The following CHD9 variants were observed in gnomAD, a reference collection of about 807,000 sequenced individuals.
CHD9 encodes the protein chromodomain helicase DNA binding protein 9, also known as ATP-dependent chromatin remodeler CHD9.
In CHD9, 77 loss-of-function variants were observed where a neutral mutation model predicts 316.1. The ratio of observed to expected loss-of-function variants is 0.24; its 90% confidence interval spans 0.20 to 0.29. CHD9 has a LOEUF of 0.29. CHD9 is among the 10% of genes least tolerant of loss of function. The pLI, the probability that CHD9 is intolerant of heterozygous loss-of-function variation, is 1.00. For missense variants in CHD9, 2,763 were observed against 3,438.1 expected (o/e 0.80, Z 4.91); for synonymous variants, 1,129 against 1,158.3 (o/e 0.97, Z 0.51).
intron 1 of CHD9, among the ~76,000 whole-genome samples, chr16:53,106,461 A>T (rs1284591757): frequency 6.6e-6 from 1 of 152,208 alleles, no homozygotes; most frequent in Non-Finnish European, 1.5e-5. Context: ...TTCCCGAAGG[A>T]CAGCTGGAAG....
intron 20 of CHD9, among the ~76,000 whole-genome samples, chr16:53,265,083 T>G (rs756902230): frequency 6.6e-6 from 1 of 152,192 alleles, no homozygotes; most frequent in Non-Finnish European, 1.5e-5. Flanking sequence ...AGACTAACAT[T>G]ACTGTATGTT....
chr16:53,222,635 T>G lies in CHD9; in HGVS notation c.1785-9T>G. On this transcript the variant is annotated splice_polypyrimidine_tract_variant and intron_variant, in intron 3 of 38. Coordinates refer to ENST00000447540, the MANE Select transcript of CHD9 (RefSeq NM_001308319.2). ...ATTCATACTTTTTATTCTTTTCCTC[T>G]TGAAACAGCAAACTCATTATTACAT... The G allele has an allele frequency of 7.9e-7, 1 of 1,264,988 alleles. No individual in the cohort carries two copies. The highest frequency in any genetic ancestry group is 1.1e-6 in the Non-Finnish European group (1 of 890,490). The allele number at this position is 1,264,988 out of a possible 1,614,324, so 78.4% of individuals were successfully genotyped here. A position where few individuals can be genotyped will look rare whatever the true frequency, so the allele number is the denominator to read the frequency against.
At chr16:53,202,691 G>A (rs996470473) in intron 2 of CHD9, among the ~76,000 whole-genome samples, 1 of 151,950 alleles carries the variant, frequency 6.6e-6, no homozygotes, top group African/African-American at 2.4e-5. Flanking sequence ...TGTTTGCCTG[G>A]ACTTTTATGT....
intron 2 of CHD9, among the ~76,000 whole-genome samples, chr16:53,161,415 G>T (rs1437024329): frequency 2.0e-5 from 3 of 152,104 alleles, no homozygotes; most frequent in Non-Finnish European, 4.4e-5. Context: ...TATTAATAAG[G>T]AGTTCTTATA....
chr16:53,200,883 G>A (rs1004819702), intron 2 of CHD9, among the ~76,000 whole-genome samples: 15 of 152,214 alleles, frequency 9.9e-5, no homozygotes, highest in African/African-American at 3.6e-4. Flanking sequence ...GAAGAGCACA[G>A]TATCACATCA....
intron 1 of CHD9, among the ~76,000 whole-genome samples, chr16:53,125,696 C>G (rs183083338): frequency 6.6e-6 from 1 of 152,332 alleles, no homozygotes; most frequent in Non-Finnish European, 1.5e-5. Flanking sequence ...ATCACAAAGA[C>G]AAACAACCCA....
At position 53,325,019 on chromosome 16, in the gene CHD9, G is replaced by C; in HGVS notation, c.*124G>C. 1.2e-6 allele frequency: 1 copy of C among 840,958 alleles called. No individual in the cohort carries two copies. The highest frequency in any genetic ancestry group is 1.8e-6 in the Non-Finnish European group (1 of 564,572). The allele number at this position is 840,958 out of a possible 1,614,324, so 52.1% of individuals were successfully genotyped here. ...ACCGAACATTTCAGTTATTTGTTTA[G>C]AAGTGCAAACTGCTTTCAGAGACTT... On this transcript the variant is annotated 3_prime_UTR_variant, in exon 39 of 39. Transcript: ENST00000447540.
chr16:53,315,885 A>G (rs1429665067), intron 36 of CHD9, among the ~76,000 whole-genome samples: 1 of 152,180 alleles, frequency 6.6e-6, no homozygotes, highest in Non-Finnish European at 1.5e-5. Context: ...GCTCCTCTTA[A>G]GCTCTTCTTC....
At position 53,325,630 on chromosome 16, in the gene CHD9, TAA is replaced by T. The variant is rs1205710049; in HGVS notation, c.*736_*737del. On this transcript the variant is annotated 3_prime_UTR_variant, in exon 39 of 39. Transcript: ENST00000447540. Reference sequence around the variant, plus strand: ...AGCTTAATTCAGATATCAGTAAAATTAAGTCATAAAATAATCATGTGTCATGT... The same window carrying T: ...AGCTTAATTCAGATATCAGTAAAATTGTCATAAAATAATCATGTGTCATGT... 2 of 152,572 alleles carry T rather than the reference TAA, an allele frequency of 1.3e-5. No homozygotes were observed. The highest frequency in any genetic ancestry group is 2.4e-5 in the African/African-American group (1 of 41,452). 9.5% of individuals were successfully genotyped at this position (152,572 alleles called of 1,614,324 possible).
intron 2 of CHD9, among the ~76,000 whole-genome samples, chr16:53,184,515 G>C (rs1481642700): frequency 6.6e-6 from 1 of 151,778 alleles, no homozygotes. Context: ...TTTTGTTTTT[G>C]TTTTTGTTTT....
chr16:53,156,673 A>G lies in CHD9; in HGVS notation c.584A>G (p.Gln195Arg). The G allele has an allele frequency of 6.2e-7, 1 of 1,613,996 alleles. No homozygotes were observed. The highest frequency in any genetic ancestry group is 8.5e-7 in the Non-Finnish European group (1 of 1,179,878). Reference protein sequence around the residue: ...NLNPGQNSLSQSKNFMNVSGP... With the variant: ...NLNPGQNSLSRSKNFMNVSGP... ...AACCCAGGGCAGAATTCTCTTAGCC[A>G]GTCTAAAAATTTTATGAATGTTTCT... Residue 195 changes from glutamine (Q) to arginine (R), a missense_variant, in exon 2 of 39, where the codon CAG becomes CGG. Physicochemically the swap from Gln to Arg is conservative, Grantham distance 43. Transcript: ENST00000447540.
chr16:53,063,401 C>CAA (rs56403464), intron 1 of CHD9, among the ~76,000 whole-genome samples: 23 of 146,184 alleles, frequency 1.6e-4, no homozygotes, highest in Non-Finnish European at 2.9e-4. Flanking sequence ...CACACACACA[C>CAA]AAAATGTGAA....
rs2056100796 is a variant in CHD9, at chr16:53,307,594, T to C, written c.6781-87T>C. 6.4e-6 allele frequency: 8 copies of C among 1,240,450 alleles called. No homozygotes were observed. In the South Asian group the frequency reaches 9.3e-5, roughly 14 times the overall value. 76.8% of individuals were successfully genotyped at this position (1,240,450 alleles called of 1,614,324 possible). A position where few individuals can be genotyped will look rare whatever the true frequency, so the allele number is the denominator to read the frequency against. On this transcript the variant is annotated intron_variant, in intron 32 of 38. Coordinates refer to ENST00000447540, the MANE Select transcript of CHD9 (RefSeq NM_001308319.2). ...CACATACACATATGTTGAACTAGGG[T>C]TAAATCCATAGACTCTTGAGCTATT...
intron 16 of CHD9, chr16:53,247,855 G>T (rs1484860361): frequency 5.9e-6 from 1 of 168,864 alleles, no homozygotes; most frequent in Non-Finnish European, 1.3e-5. Context: ...TGAAAAAAGT[G>T]ATTCAAGAAC....
chr16:53,245,864 A>T lies in CHD9; in HGVS notation c.3454+14A>T, dbSNP rs1440622761. 14 of 1,462,994 alleles carry T rather than the reference A, an allele frequency of 9.6e-6. No homozygotes were observed. Among genetic ancestry groups the T allele is most frequent in the African/African-American group, 1.4e-5 (1 of 70,232 alleles). The allele number at this position is 1,462,994 out of a possible 1,614,324, so 90.6% of individuals were successfully genotyped here. A position where few individuals can be genotyped will look rare whatever the true frequency, so the allele number is the denominator to read the frequency against. ...ATCTTATAAAAGGTAGCTAAAAAAGATTACAACAAATATGTTTTTTCTTGC... is the reference window on the plus strand; with the variant it reads ...ATCTTATAAAAGGTAGCTAAAAAAGTTTACAACAAATATGTTTTTTCTTGC... On this transcript the variant is annotated intron_variant, in intron 15 of 38. Transcript: ENST00000447540. This position sits in a 1 kb window ranked among gnomAD's most constrained non-coding sequence, Gnocchi z 4.1.
chr16:53,267,608 A>T, intron 21 of CHD9, 118 bp downstream of exon 21: 2 of 729,618 alleles, frequency 2.7e-6, no homozygotes, highest in Non-Finnish European at 4.2e-6. Flanking sequence ...TTACTTTTAA[A>T]GTACTCTATT....
At chr16:53,305,297 G>A (rs1198786470) in intron 31 of CHD9, among the ~76,000 whole-genome samples, 1 of 152,106 alleles carries the variant, frequency 6.6e-6, no homozygotes, top group Non-Finnish European at 1.5e-5. Flanking sequence ...CTGACCTTAG[G>A]TGATCCGCCC....
chr16:53,194,630 TAG>T (rs372794194), intron 2 of CHD9, among the ~76,000 whole-genome samples: 2 of 152,112 alleles, frequency 1.3e-5, no homozygotes, highest in Non-Finnish European at 2.9e-5. Context: ...AAAATGTAAC[TAG>T]AGAGAGAGAT....
intron 1 of CHD9, among the ~76,000 whole-genome samples, chr16:53,086,543 C>T (rs1008627300): frequency 6.6e-6 from 1 of 152,220 alleles, no homozygotes; most frequent in South Asian, 2.1e-4. Flanking sequence ...CCAGGTTCAG[C>T]TCTCAATTCC....
Sources: allele counts gnomAD v4.1 joint callset (sites outside exome capture counted in the v4.1 genomes callset), GRCh38; gene constraint gnomAD v4.1.1; non-coding constraint Gnocchi (gnomAD v3.1); transcripts MANE v1.5; gene names NCBI Gene and HGNC (gene_info 2026-07-23, HGNC 2026-07-21).